ACSL1: variants seen among roughly 807,000 people sequenced by gnomAD.
The protein encoded by ACSL1 is acyl-CoA synthetase long chain family member 1, also known as long-chain-fatty-acid--CoA ligase 1.
A neutral mutation model predicts 98.4 loss-of-function variants in ACSL1; 41 were observed. The ratio of observed to expected loss-of-function variants is 0.42; its 90% confidence interval spans 0.32 to 0.54. The LOEUF is 0.54. Among genes scored for constraint, ACSL1 ranks in the 20% least tolerant of loss-of-function variants. ACSL1 has a pLI of 0.13. For missense variants in ACSL1, 734 were observed against 883.1 expected (o/e 0.83, Z 2.14); for synonymous variants, 316 against 322.7 (o/e 0.98, Z 0.22).
Position 184,765,897 on chromosome 4 carries a change from G to C in ACSL1, c.1353C>G (p.Gly451=). The C allele has an allele frequency of 6.2e-7, 1 of 1,613,732 alleles. No homozygotes were observed. Among genetic ancestry groups the C allele is most frequent in the Non-Finnish European group, 8.5e-7 (1 of 1,179,812 alleles). ...TVLTFLRAAL[G]CQFYEGYGQT... ...GCCGTGACATCCACCTCACCTGACA[G>C]CCCAGGGCTGCTCTGAGGAACGTCA... Residue 451 remains glycine (G), a synonymous_variant, in exon 14 of 21, where the codon GGC becomes GGG. Transcript: ENST00000281455.
intron 14 of ACSL1, 141 bp downstream of exon 14, chr4:184,765,750 T>C (rs1205807223): frequency 1.1e-5 from 7 of 657,110 alleles, no homozygotes; most frequent in Admixed American, 3.2e-5. Context: ...CAAAACATCA[T>C]GTTGTTACGC....
chr4:184,820,406 A>C (rs1218067821), intron 1 of ACSL1, among the ~76,000 whole-genome samples: 1 of 152,222 alleles, frequency 6.6e-6, no homozygotes, highest in Non-Finnish European at 1.5e-5. Flanking sequence ...AGAAAGTCAC[A>C]GCTACATAGC....
rs754743339 is a variant in ACSL1 at position 184,757,967 on chromosome 4, C to G, written c.1783-47G>C. The G allele has an allele frequency of 1.9e-6, 3 of 1,555,706 alleles. No homozygotes were observed. The South Asian group carries it at 3.3e-5, about 17-fold the overall frequency. On this transcript the variant is annotated intron_variant, in intron 18 of 20. Transcript: ENST00000281455. This position sits in a 1 kb window ranked among gnomAD's most constrained non-coding sequence, Gnocchi z 4.5. Reference sequence around the variant, plus strand: ...TATTACATAGCTTGATCCAAATGCTCTAAAATAGTGGTTCTTTATTTTTCC... The same window carrying G: ...TATTACATAGCTTGATCCAAATGCTGTAAAATAGTGGTTCTTTATTTTTCC...
rs562355671 is a variant in ACSL1, at chr4:184,811,258, G to A, written c.-32-7712C>T. The stretch of plus-strand genomic sequence containing the variant: ...GGAGTAGCTGGAACTTCAGGCACCC[G>A]CCACCACGCCTGGCTAATTTTTTTT... On this transcript the variant is annotated intron_variant, in intron 1 of 20. Coordinates refer to ENST00000281455, the MANE Select transcript of ACSL1 (RefSeq NM_001995.5). Among the ~76,000 whole-genome samples the A allele has an allele frequency of 3.4e-4, 52 of 151,766 alleles. No individual in the cohort carries two copies. The South Asian group carries it at 5.0e-3, about 15-fold the overall frequency.
intron 2 of ACSL1, among the ~76,000 whole-genome samples, chr4:184,797,217 G>C (rs909503895): frequency 6.6e-6 from 1 of 152,186 alleles, no homozygotes; most frequent in Non-Finnish European, 1.5e-5. Context: ...CGCCCTTAGC[G>C]TTTCCACTGG....
intron 10 of ACSL1, among the ~76,000 whole-genome samples, chr4:184,771,992 T>C (rs946452981): frequency 1.3e-4 from 20 of 152,218 alleles, no homozygotes; most frequent in African/African-American, 4.6e-4. Context: ...TTTTCAACTT[T>C]CTGACTCAGA....
At chr4:184,760,290 A>C (rs1762676042) in intron 18 of ACSL1, 67 bp downstream of exon 18, 1 of 1,550,236 alleles carries the variant, frequency 6.5e-7, no homozygotes. Flanking sequence ...ATCACATTTA[A>C]AGCCCCTGGA....
Position 184,825,866 on chromosome 4 carries a change from C to T in ACSL1, c.-33+50G>A, listed in dbSNP as rs1773445344. On this transcript the variant is annotated intron_variant, in intron 1 of 20. Coordinates refer to ENST00000281455, the MANE Select transcript of ACSL1 (RefSeq NM_001995.5). The surrounding 1 kb of genome is among the most constrained non-coding windows in gnomAD (Gnocchi z 4.7). ...GTCAGCCGGCGCCTCGGCCGGGGCC[C>T]GGGCACCGCCGCGGGAGCAGGCGCG... The T allele has an allele frequency of 6.7e-6, 1 of 148,666 alleles. No individual in the cohort carries two copies. Among genetic ancestry groups the T allele is most frequent in the South Asian group, 2.1e-4 (1 of 4,830 alleles). 9.2% of individuals were successfully genotyped at this position (148,666 alleles called of 1,614,324 possible).
intron 1 of ACSL1, among the ~76,000 whole-genome samples, chr4:184,804,302 G>A (rs556770615): frequency 1.2e-4 from 19 of 152,232 alleles, no homozygotes; most frequent in Non-Finnish European, 2.5e-4. Context: ...AGATGCAGCC[G>A]GACGCGGTGG....
At chr4:184,791,430 A>T (rs952602603) in intron 2 of ACSL1, among the ~76,000 whole-genome samples, 1 of 152,214 alleles carries the variant, frequency 6.6e-6, no homozygotes, top group East Asian at 1.9e-4. Flanking sequence ...CAAGCTTCTC[A>T]AAGTGTGCTC....
At chr4:184,783,186 A>G (rs1260305144) in intron 4 of ACSL1, among the ~76,000 whole-genome samples, 1 of 152,176 alleles carries the variant, frequency 6.6e-6, no homozygotes, top group Non-Finnish European at 1.5e-5. Flanking sequence ...TGATAAAAAT[A>G]AAAATAAACA....
chr4:184,783,880 C>T, intron 4 of ACSL1, 47 bp downstream of exon 4: 2 of 1,537,984 alleles, frequency 1.3e-6, no homozygotes, highest in Middle Eastern at 1.7e-4. Flanking sequence ...ACAGAAGCAC[C>T]CCTGCTTGCA....
rs761970754 is a variant in ACSL1, at chr4:184,773,125, G to C, written c.871C>G (p.Arg291Gly). The change falls in exon 10 of 21, where the codon CGA becomes GGA. Residue 291 changes from arginine (R) to glycine (G), a missense_variant. By Grantham distance (125) the Arg-to-Gly change is moderately radical. Coordinates refer to ENST00000281455, the MANE Select transcript of ACSL1 (RefSeq NM_001995.5). The surrounding 1 kb of genome is among the most constrained non-coding windows in gnomAD (Gnocchi z 4.3). ...GNPKGAMVTH[R>G]NIVSDCSAFV... ...GCTGAACAATCGCTCACTATGTTTC[G>C]GTGAGTGACCATTGCTCCTTTGGGG... 9.3e-6 allele frequency: 15 copies of C among 1,613,942 alleles called. No homozygotes were observed. The highest frequency in any genetic ancestry group is 1.3e-5 in the Non-Finnish European group (15 of 1,179,864).
intron 16 of ACSL1, 58 bp from the exon 17 acceptor site, chr4:184,762,581 T>C: frequency 6.8e-7 from 1 of 1,473,354 alleles, no homozygotes; most frequent in Non-Finnish European, 9.5e-7. Context: ...CAGAGAAAAC[T>C]GGTGTGTGCA....
chr4:184,785,713 T>A lies in ACSL1; in HGVS notation c.311-1722A>T, dbSNP rs78706648. Among the ~76,000 whole-genome samples the A allele has an allele frequency of 6.3e-3, 924 of 146,806 alleles. 4 individuals are homozygous for A. The highest frequency in any genetic ancestry group is 0.021 in the Middle Eastern group (6 of 282). On this transcript the variant is annotated intron_variant, in intron 3 of 20. Transcript: ENST00000281455. ...ACTTTCCTTCACCTTCTCTGACACATCCATAAAAGGACTTTCATTTTCCAG... is the reference window on the plus strand; with the variant it reads ...ACTTTCCTTCACCTTCTCTGACACAACCATAAAAGGACTTTCATTTTCCAG...
chr4:184,767,699 C>T (rs1426792646), intron 12 of ACSL1, among the ~76,000 whole-genome samples: 1 of 152,280 alleles, frequency 6.6e-6, no homozygotes, highest in South Asian at 2.1e-4. Flanking sequence ...AACATAAGAA[C>T]GTTCTGAGAG....
rs780480022 is a variant in ACSL1 at position 184,825,044 on chromosome 4, G to T, written c.-33+872C>A. The T allele has an allele frequency of 9.2e-6, 3 of 325,190 alleles. No individual in the cohort carries two copies. The highest frequency in any genetic ancestry group is 1.3e-5 in the Non-Finnish European group (3 of 226,232). The allele number at this position is 325,190 out of a possible 1,614,324, so 20.1% of individuals were successfully genotyped here. A position where few individuals can be genotyped will look rare whatever the true frequency, so the allele number is the denominator to read the frequency against. On this transcript the variant is annotated intron_variant, in intron 1 of 20. Transcript: ENST00000281455. The surrounding 1 kb of genome is among the most constrained non-coding windows in gnomAD (Gnocchi z 4.7). The stretch of plus-strand genomic sequence containing the variant: ...GGGACTTTAGACACTCCTGCACCAA[G>T]AAGCTTAAAAGTCTTAGCCAGGGCA...
intron 1 of ACSL1, among the ~76,000 whole-genome samples, chr4:184,806,975 TAAAC>T (rs1344060356): frequency 2.6e-5 from 4 of 152,262 alleles, no homozygotes; most frequent in South Asian, 2.1e-4. Context: ...GAACAACTCT[TAAAC>T]AGACACTGAT....
At chr4:184,792,686 G>A (rs770416956) in intron 2 of ACSL1, among the ~76,000 whole-genome samples, 14 of 152,264 alleles carry the variant, frequency 9.2e-5, no homozygotes, top group African/African-American at 2.2e-4. Flanking sequence ...GGATCCTTCC[G>A]CCTAGGCCTC....
Sources: allele counts gnomAD v4.1 joint callset (sites outside exome capture counted in the v4.1 genomes callset), GRCh38; gene constraint gnomAD v4.1.1; non-coding constraint Gnocchi (gnomAD v3.1); transcripts MANE v1.5; gene names NCBI Gene and HGNC (gene_info 2026-07-23, HGNC 2026-07-21).